Variants in GXYLT2 observed in about 807,000 individuals in gnomAD.
The protein encoded by GXYLT2 is glucoside xylosyltransferase 2, also known as glycosyltransferase 8 domain containing 4.
GXYLT2 carries 53 observed loss-of-function variants against 45.8 expected under a neutral mutation model. The ratio of observed to expected loss-of-function variants is 1.16; its 90% CI spans 0.93 to 1.46. The LOEUF (loss-of-function observed/expected upper bound fraction) is 1.46, where lower values mean the gene tolerates loss of function less well. Ranked by LOEUF, GXYLT2 falls within the 40% of genes most tolerant of loss-of-function variation. GXYLT2 has a pLI of 0.00. For synonymous variants in GXYLT2, 219 were observed against 214.2 expected (o/e 1.02, Z -0.19); for missense variants, 551 against 544.4 (o/e 1.01, Z -0.12).
In GXYLT2 at chr3:72,957,235, A is replaced by G. The variant is rs754856045; in HGVS notation, c.859A>G (p.Met287Val). 3.7e-6 allele frequency: 6 copies of G among 1,611,500 alleles called. No homozygotes were observed. Among genetic ancestry groups the G allele is most frequent in the Admixed American group, 3.4e-5 (2 of 59,428 alleles). ...RIRSTQFKNSMIPTGLAWEDM... is the reference protein window; with the variant it reads ...RIRSTQFKNSVIPTGLAWEDM... ...ATGGTTTTCTTTTTTCCAGAACAGC[A>G]TGATTCCAACAGGCCTGGCTTGGGA... The change falls in exon 5 of 7, where the codon ATG (methionine) becomes GTG (valine). Residue 287 changes from methionine (M) to valine (V), a missense_variant. Met to Val is a conservative substitution (Grantham distance 21). Transcript: ENST00000389617.
At chr3:72,888,747 C>T (rs1053727418) in intron 1 of GXYLT2, among the ~76,000 whole-genome samples, 1 of 152,148 alleles carries the variant, frequency 6.6e-6, no homozygotes, top group Admixed American at 6.5e-5. Flanking sequence ...TGGTTTCGTA[C>T]ATTACATTTT....
chr3:72,964,344 A>G (rs919473845), intron 5 of GXYLT2, among the ~76,000 whole-genome samples: 1 of 151,288 alleles, frequency 6.6e-6, no homozygotes, highest in African/African-American at 2.4e-5. Flanking sequence ...TTTTTTTGAG[A>G]CAGAGTCTTG....
chr3:72,968,289 C>T (rs1158772409), intron 6 of GXYLT2, among the ~76,000 whole-genome samples: 2 of 152,140 alleles, frequency 1.3e-5, no homozygotes, highest in African/African-American at 2.4e-5. Context: ...TTTCATGTCA[C>T]AAAGACAACT....
intron 3 of GXYLT2, among the ~76,000 whole-genome samples, chr3:72,937,987 G>T (rs1575801390): frequency 6.6e-6 from 1 of 152,192 alleles, no homozygotes; most frequent in Non-Finnish European, 1.5e-5. Context: ...GGCCAGGCAT[G>T]GTGGTTCATG....
chr3:72,973,328 G>A (rs1407903638), intron 6 of GXYLT2, among the ~76,000 whole-genome samples: 2 of 152,086 alleles, frequency 1.3e-5, no homozygotes, highest in African/African-American at 4.8e-5. Flanking sequence ...AAGTCCCGGA[G>A]GCAGGAATGA....
intron 2 of GXYLT2, among the ~76,000 whole-genome samples, chr3:72,920,819 T>TATATATATATATATATATGTA (rs1491486551): frequency 4.1e-5 from 4 of 96,552 alleles, no homozygotes; most frequent in African/African-American, 2.7e-4. Context: ...TATATATGTA[T>TATATATATATATATATATGTA]TTTTTTTTTT....
intron 1 of GXYLT2, among the ~76,000 whole-genome samples, chr3:72,896,875 T>C (rs1473113600): frequency 1.3e-5 from 2 of 151,964 alleles, no homozygotes; most frequent in African/African-American, 4.8e-5. Context: ...AAATGTTTAC[T>C]AGCAGTTCAA....
chr3:72,964,568 G>A (rs13059478), intron 5 of GXYLT2, among the ~76,000 whole-genome samples: 60,310 of 151,720 alleles, frequency 0.4, 14,848 homozygotes, highest in Non-Finnish European at 0.55. Context: ...TGATCCGCCC[G>A]CCTTGGCCTC....
chr3:72,952,531 T>C (rs760297589), intron 3 of GXYLT2, among the ~76,000 whole-genome samples: 7 of 152,154 alleles, frequency 4.6e-5, no homozygotes, highest in Admixed American at 1.3e-4. Context: ...TGGCATGTTA[T>C]ACTAGTCTGC....
chr3:72,964,308 G>A (rs1333916793), intron 5 of GXYLT2, among the ~76,000 whole-genome samples: 2 of 151,878 alleles, frequency 1.3e-5, no homozygotes, highest in African/African-American at 4.8e-5. Context: ...AGAGAGAAAA[G>A]GTTTCTCTCT....
intron 1 of GXYLT2, among the ~76,000 whole-genome samples, chr3:72,894,155 G>A (rs1709236619): frequency 6.6e-6 from 1 of 152,212 alleles, no homozygotes; most frequent in Non-Finnish European, 1.5e-5. Context: ...TTAGGATGAA[G>A]CCATCTGTTT....
intron 4 of GXYLT2, 102 bp downstream of exon 4, chr3:72,955,451 G>A: frequency 9.4e-7 from 1 of 1,066,528 alleles, no homozygotes; most frequent in Non-Finnish European, 1.4e-6. Context: ...AAATTGGGTG[G>A]CCTATAGGTG....
chr3:72,925,608 T>C (rs1559736719), intron 3 of GXYLT2, among the ~76,000 whole-genome samples: 1 of 152,222 alleles, frequency 6.6e-6, no homozygotes, highest in Non-Finnish European at 1.5e-5. Context: ...TTAGGTTTGT[T>C]GCTTGTCTCC....
intron 2 of GXYLT2, among the ~76,000 whole-genome samples, chr3:72,920,518 C>T (rs1306907907): frequency 2.6e-5 from 4 of 152,108 alleles, no homozygotes; most frequent in Non-Finnish European, 5.9e-5. Flanking sequence ...ATCTTCCCAC[C>T]TTGGCCTCCC....
chr3:72,891,040 T>A (rs1709172567), intron 1 of GXYLT2, among the ~76,000 whole-genome samples: 1 of 152,180 alleles, frequency 6.6e-6, no homozygotes, highest in Non-Finnish European at 1.5e-5. Flanking sequence ...GGAGGAAAGA[T>A]CTCTGCTCGG....
chr3:72,922,133 A>G, intron 2 of GXYLT2, 71 bp from the exon 3 acceptor site: 2 of 1,428,124 alleles, frequency 1.4e-6, no homozygotes, highest in Admixed American at 4.0e-5. Context: ...TTGACCATCC[A>G]GAAGCTTCGC....
intron 1 of GXYLT2, among the ~76,000 whole-genome samples, chr3:72,897,131 G>A (rs1709308250): frequency 6.6e-6 from 1 of 152,182 alleles, no homozygotes. Context: ...CTAGGAGGTA[G>A]GAACTCATAT....
chr3:72,919,677 C>T (rs577184501), intron 2 of GXYLT2, among the ~76,000 whole-genome samples: 3 of 152,294 alleles, frequency 2.0e-5, no homozygotes, highest in Admixed American at 1.3e-4. Context: ...ATTGCTGGAA[C>T]GTGGGAGGCG....
intron 6 of GXYLT2, among the ~76,000 whole-genome samples, chr3:72,969,637 A>T (rs1378039527): frequency 6.6e-6 from 1 of 152,096 alleles, no homozygotes; most frequent in East Asian, 1.9e-4. Context: ...GTGCCTGGCC[A>T]TTTATGTATT....
Sources: gnomAD v4.1 joint callset for allele counts (sites outside exome capture counted in the v4.1 genomes callset) on GRCh38, gnomAD v4.1.1 for gene constraint, MANE v1.5 for transcripts, NCBI Gene and HGNC (gene_info 2026-07-23, HGNC 2026-07-21) for gene names.